Variants in ZNF337 observed in about 807,000 individuals in gnomAD.
ZNF337 encodes zinc finger protein 337.
In ZNF337, 8 loss-of-function variants were observed where a neutral mutation model predicts 12.1. The observed-to-expected ratio is 0.66, with a 90% confidence interval of 0.39 to 1.19. ZNF337 has a LOEUF of 1.19. ZNF337 is among the 50% of genes most tolerant of loss of function. ZNF337 has a pLI of 0.01. For missense variants in ZNF337, 882 were observed against 896.6 expected (o/e 0.98, Z 0.21); for synonymous variants, 336 against 320.0 (o/e 1.05, Z -0.53).
intron 3 of ZNF337, 79 bp from the exon 4 acceptor site, chr20:25,685,741 G>T: frequency 7.5e-7 from 1 of 1,328,156 alleles, no homozygotes; most frequent in Non-Finnish European, 1.1e-6. Context: ...ACCCAGGGCA[G>T]GAAGGGAGGG....
intron 1 of ZNF337, among the ~76,000 whole-genome samples, chr20:25,688,125 T>G (rs956097871): frequency 6.6e-6 from 1 of 152,268 alleles, no homozygotes; most frequent in Non-Finnish European, 1.5e-5. Context: ...ATGTCCCATC[T>G]GTGCTATCTT....
chr20:25,686,609 A>C (rs947119100), intron 1 of ZNF337, 143 bp from the exon 2 acceptor site: 3 of 617,804 alleles, frequency 4.9e-6, no homozygotes, highest in African/African-American at 3.7e-5. Flanking sequence ...CAAAAGGTCT[A>C]GGGAGCCAGG....
At chr20:25,677,130 T>C (rs1315200665) in intron 4 of ZNF337, 93 bp from the exon 5 acceptor site, 2 of 1,037,040 alleles carry the variant, frequency 1.9e-6, no homozygotes, top group Non-Finnish European at 2.7e-6. Context: ...TGCTTAATTC[T>C]AATAAACTCA....
Position 25,685,602 on chromosome 20 carries a change from C to A in ZNF337, c.215G>T (p.Gly72Val). Residue 72 changes from glycine to valine, a missense_variant, in exon 4 of 5, where the codon GGA becomes GTA. By Grantham distance (109) the Gly-to-Val change is moderately radical. Coordinates refer to ENST00000252979, the MANE Select transcript of ZNF337 (RefSeq NM_015655.4). ...RRLEQGEVPWGEERRRRPGPC... is the reference protein window; with the variant it reads ...RRLEQGEVPWVEERRRRPGPC... ...GCCTGGCCGGCGTCTTCTCTCTTCTCCCCAGGGCACTTCCCCTTGCTCTAG... is the reference window on the plus strand; with the variant it reads ...GCCTGGCCGGCGTCTTCTCTCTTCTACCCAGGGCACTTCCCCTTGCTCTAG... 1 of 1,614,214 alleles carries A rather than the reference C, an allele frequency of 6.2e-7. No individual in the cohort carries two copies. The highest frequency in any genetic ancestry group is 8.5e-7 in the Non-Finnish European group (1 of 1,180,024).
intron 4 of ZNF337, among the ~76,000 whole-genome samples, chr20:25,682,502 A>G (rs1192400750): frequency 2.0e-5 from 3 of 152,180 alleles, no homozygotes; most frequent in Admixed American, 6.5e-5. Context: ...AAAAAAAACT[A>G]TAAAGCCACA....
intron 4 of ZNF337, among the ~76,000 whole-genome samples, chr20:25,683,499 TAAAC>T (rs1217549419): frequency 7.0e-6 from 1 of 142,880 alleles, no homozygotes; most frequent in Admixed American, 6.9e-5. Flanking sequence ...AAATAGAACT[TAAAC>T]AAATTTACAA....
intron 4 of ZNF337, chr20:25,677,303 G>C: frequency 2.9e-6 from 1 of 349,510 alleles, no homozygotes; most frequent in Non-Finnish European, 5.2e-6. Context: ...TATCCCTGAT[G>C]ATGCTAAATG....
intron 1 of ZNF337, among the ~76,000 whole-genome samples, chr20:25,689,469 C>T (rs954813475): frequency 3.3e-5 from 5 of 152,172 alleles, no homozygotes; most frequent in African/African-American, 9.7e-5. Flanking sequence ...CTATTTTCCT[C>T]TGGAATGATT....
At chr20:25,685,791 A>G (rs1300937029) in intron 3 of ZNF337, 129 bp from the exon 4 acceptor site, 3 of 1,146,796 alleles carry the variant, frequency 2.6e-6, no homozygotes, top group African/African-American at 1.5e-5. Context: ...CCTGTCTACC[A>G]TGCTCAGAGT....
At chr20:25,696,039 T>C (rs1020355495) in intron 1 of ZNF337, among the ~76,000 whole-genome samples, 1 of 146,096 alleles carries the variant, frequency 6.8e-6, no homozygotes, top group African/African-American at 2.5e-5. Context: ...AGAGGCCACC[T>C]GGGTCCCCAC....
At chr20:25,695,108 T>C (rs536125086) in intron 1 of ZNF337, among the ~76,000 whole-genome samples, 156 of 152,150 alleles carry the variant, frequency 1.0e-3, no homozygotes, top group Non-Finnish European at 1.8e-3. Flanking sequence ...CCATCTCTAC[T>C]AAAAATACAA....
Position 25,683,093 on chromosome 20 carries a change from T to C in ZNF337, c.250+2474A>G, listed in dbSNP as rs965100306. On this transcript the variant is annotated intron_variant, in intron 4 of 4. Coordinates refer to ENST00000252979, the MANE Select transcript of ZNF337 (RefSeq NM_015655.4). ...TAAGCAGAAAACTTAACACCACTTT[T>C]CAGCAGTCTCCTGTGGTCCCACTGT... Among the ~76,000 whole-genome samples, 3 of 152,170 alleles carry C rather than the reference T, an allele frequency of 2.0e-5. No homozygotes were observed. In the East Asian group the frequency reaches 5.8e-4, roughly 29 times the overall value.
chr20:25,676,928 A>T lies in ZNF337; in HGVS notation c.360T>A (p.Gly120=). Residue 120 remains glycine, a synonymous_variant, in exon 5 of 5, where the codon GGT becomes GGA. Transcript: ENST00000252979. ...DQSFQSDTAE[G]QEKEKSTKPM... ...GCTTAGTGCTTTTTTCTTTCTCTTG[A>T]CCTTCAGCTGTGTCACTCTGGAAGC... is the stretch of plus-strand genomic sequence containing the variant. 1 of 1,613,782 alleles carries T rather than the reference A, an allele frequency of 6.2e-7. No individual in the cohort carries two copies. The highest frequency in any genetic ancestry group is 8.5e-7 in the Non-Finnish European group (1 of 1,179,972).
At chr20:25,693,086 T>A (rs1279010153) in intron 1 of ZNF337, among the ~76,000 whole-genome samples, 1 of 152,118 alleles carries the variant, frequency 6.6e-6, no homozygotes, top group African/African-American at 2.4e-5. Flanking sequence ...AAGTAAAAAT[T>A]ATTATTTTTT....
chr20:25,690,540 C>T (rs2065875231), intron 1 of ZNF337, among the ~76,000 whole-genome samples: 1 of 152,068 alleles, frequency 6.6e-6, no homozygotes, highest in African/African-American at 2.4e-5. Flanking sequence ...TGGAGGCTGC[C>T]TGAGGGACTG....
intron 1 of ZNF337, among the ~76,000 whole-genome samples, chr20:25,689,970 C>G (rs926393271): frequency 1.3e-5 from 2 of 152,176 alleles, no homozygotes; most frequent in African/African-American, 2.4e-5. Context: ...ACTGCCCAAT[C>G]AAGAAAAAGC....
At chr20:25,685,765 G>T in intron 3 of ZNF337, 103 bp from the exon 4 acceptor site, 1 of 1,212,736 alleles carries the variant, frequency 8.2e-7, no homozygotes, top group Non-Finnish European at 1.2e-6. Context: ...ATCAGAGGGG[G>T]AAGGCTCAGG....
intron 1 of ZNF337, among the ~76,000 whole-genome samples, chr20:25,689,227 G>A (rs1031991998): frequency 4.0e-5 from 6 of 151,460 alleles, no homozygotes; most frequent in Middle Eastern, 3.5e-3. Context: ...TGGTGTGAAC[G>A]TGGGAGGCAG....
chr20:25,685,886 C>T, intron 3 of ZNF337, 110 bp downstream of exon 3: 1 of 1,489,624 alleles, frequency 6.7e-7, no homozygotes, highest in Non-Finnish European at 9.0e-7. Flanking sequence ...CAAAGCCAGA[C>T]CTTCCTCAGG....
Sources: gnomAD v4.1 joint callset for allele counts (sites outside exome capture counted in the v4.1 genomes callset) on GRCh38, gnomAD v4.1.1 for gene constraint, MANE v1.5 for transcripts, NCBI Gene and HGNC (gene_info 2026-07-23, HGNC 2026-07-21) for gene names.